Variants in SPMIP7 observed in about 807,000 individuals in gnomAD.
SPMIP7 encodes the protein protein SPMIP7.
chr7:50,105,411 A>G, the SPMIP7 span, among the ~76,000 whole-genome samples: 118,475 of 151,590 alleles, frequency 0.78, 46,351 homozygotes, highest in East Asian at 0.88. Context: ...ACTCCTATAT[A>G]TATTTCTTCT....
chr7:50,145,644 A>G, the SPMIP7 span, among the ~76,000 whole-genome samples: 600 of 109,890 alleles, frequency 5.5e-3, 45 homozygotes, highest in African/African-American at 0.018. Context: ...ATATATATAT[A>G]TATATATATA....
the SPMIP7 span, among the ~76,000 whole-genome samples, chr7:50,137,822 T>C: frequency 6.6e-6 from 1 of 152,324 alleles, no homozygotes; most frequent in Middle Eastern, 3.4e-3. Context: ...TGCCTGCTTA[T>C]ATATTTTGTC....
At chr7:50,134,135 G>C in the SPMIP7 span, 843 of 1,549,504 alleles carry the variant, frequency 5.4e-4, 5 homozygotes, top group African/African-American at 9.8e-3. Flanking sequence ...CTTGGGATAA[G>C]ATGCTACCAC....
chr7:50,159,147 A>G, the SPMIP7 span: 1 of 1,551,770 alleles, frequency 6.4e-7, no homozygotes. Context: ...AACAAGAAGG[A>G]CAAAGAAACC....
chr7:50,148,647 C>G, the SPMIP7 span, among the ~76,000 whole-genome samples: 7 of 152,330 alleles, frequency 4.6e-5, no homozygotes, highest in African/African-American at 1.4e-4. Flanking sequence ...TAACTTACAG[C>G]TGCACTTTTC....
the SPMIP7 span, chr7:50,096,582 A>G: frequency 1.3e-6 from 2 of 1,551,730 alleles, no homozygotes; most frequent in African/African-American, 1.4e-5. Context: ...CTGCAACAGA[A>G]CAGGAGATGG....
chr7:50,149,687 G>A, the SPMIP7 span, among the ~76,000 whole-genome samples: 1 of 152,188 alleles, frequency 6.6e-6, no homozygotes, highest in Non-Finnish European at 1.5e-5. Flanking sequence ...GTCTCTGGGT[G>A]TCCTTGATTA....
At chr7:50,157,792 G>A in the SPMIP7 span, among the ~76,000 whole-genome samples, 7 of 152,278 alleles carry the variant, frequency 4.6e-5, no homozygotes, top group African/African-American at 1.7e-4. Flanking sequence ...CCCAACTCCT[G>A]TGACACTAGG....
At chr7:50,155,873 G>GC in the SPMIP7 span, among the ~76,000 whole-genome samples, 39 of 152,302 alleles carry the variant, frequency 2.6e-4, no homozygotes, top group Non-Finnish European at 5.0e-4. Context: ...CTCATCCATG[G>GC]CCTGAGTGGG....
chr7:50,102,553 A>G, the SPMIP7 span, among the ~76,000 whole-genome samples: 1 of 152,254 alleles, frequency 6.6e-6, no homozygotes, highest in East Asian at 1.9e-4. Context: ...TAGTGCACTG[A>G]GGTCCGCTGA....
chr7:50,137,262 A>G, the SPMIP7 span, among the ~76,000 whole-genome samples: 1 of 152,172 alleles, frequency 6.6e-6, no homozygotes. Flanking sequence ...TAATACAAAA[A>G]TTGATAGAAA....
At chr7:50,150,200 CATTG>C in the SPMIP7 span, among the ~76,000 whole-genome samples, 13 of 152,294 alleles carry the variant, frequency 8.5e-5, no homozygotes, top group Admixed American at 4.6e-4. Context: ...CCAAGGCAGC[CATTG>C]AAGAACCATT....
the SPMIP7 span, among the ~76,000 whole-genome samples, chr7:50,144,320 A>G: frequency 6.6e-5 from 10 of 152,216 alleles, no homozygotes; most frequent in African/African-American, 9.6e-5. Flanking sequence ...ATTTCTTTTT[A>G]GACTCTTCCC....
chr7:50,153,439 T>C, the SPMIP7 span, among the ~76,000 whole-genome samples: 111 of 152,344 alleles, frequency 7.3e-4, no homozygotes, highest in African/African-American at 2.3e-3. Flanking sequence ...GATCTTTTAC[T>C]AAGTCAATGC....
chr7:50,138,769 T>TTA, the SPMIP7 span, among the ~76,000 whole-genome samples: 31,104 of 151,810 alleles, frequency 0.2, 3,400 homozygotes, highest in Admixed American at 0.29. Context: ...ATGGGATTTT[T>TTA]TTTTTTTTGG....
At chr7:50,122,759 C>T in the SPMIP7 span, among the ~76,000 whole-genome samples, 2 of 151,838 alleles carry the variant, frequency 1.3e-5, no homozygotes, top group South Asian at 2.1e-4. Context: ...GGGCAAAGGA[C>T]ATGAACAGAC....
chr7:50,134,834 G>A, the SPMIP7 span, among the ~76,000 whole-genome samples: 1 of 152,172 alleles, frequency 6.6e-6, no homozygotes, highest in Admixed American at 6.5e-5. Flanking sequence ...TTTTCGTAAT[G>A]TGTGAATCTG....
At chr7:50,107,882 A>G in the SPMIP7 span, among the ~76,000 whole-genome samples, 2 of 152,218 alleles carry the variant, frequency 1.3e-5, no homozygotes, top group Non-Finnish European at 2.9e-5. Flanking sequence ...CTCAAGTTAA[A>G]GGAGGCAAAG....
the SPMIP7 span, among the ~76,000 whole-genome samples, chr7:50,125,618 GTA>G: frequency 2.3e-5 from 3 of 128,920 alleles, no homozygotes; most frequent in South Asian, 5.0e-4. Context: ...GTGTGTGTGT[GTA>G]TAAATATATA....
Sources: allele counts gnomAD v4.1 joint callset (sites outside exome capture counted in the v4.1 genomes callset), GRCh38; gene constraint gnomAD v4.1.1; transcripts MANE v1.5; gene names NCBI Gene and HGNC (gene_info 2026-07-23, HGNC 2026-07-21).